The following FBXL17 variants were observed in gnomAD, a reference collection of about 807,000 sequenced individuals.
FBXL17 encodes F-box and leucine rich repeat protein 17.
FBXL17 carries 22 observed loss-of-function variants against 66.2 expected under a neutral mutation model. That is an observed-to-expected ratio of 0.33 (90% confidence interval 0.24 to 0.47). The LOEUF (loss-of-function observed/expected upper bound fraction) is 0.47, where lower values mean the gene tolerates loss of function less well. Among genes scored for constraint, FBXL17 ranks in the 20% least tolerant of loss-of-function variants. FBXL17 has a pLI of 1.00. For synonymous variants in FBXL17, 474 were observed against 400.5 expected, an observed-to-expected ratio of 1.18 and a Z score of -2.19; for missense variants, 878 against 948.2, an observed-to-expected ratio of 0.93 and a Z score of 0.97.
chr5:108,069,088 C>A (rs899469669), intron 6 of FBXL17, among the ~76,000 whole-genome samples: 1 of 152,186 alleles, frequency 6.6e-6, no homozygotes, highest in Non-Finnish European at 1.5e-5. Context: ...CACAAACATA[C>A]ACACACCCCT....
At position 107,859,619 on chromosome 5, in the gene FBXL17, T is replaced by A. The variant is rs1462491735; in HGVS notation, c.*2101A>T. 1 of 145,104 alleles carries A rather than the reference T, an allele frequency of 6.9e-6. No individual in the cohort carries two copies. The highest frequency in any genetic ancestry group is 2.5e-5 in the African/African-American group (1 of 39,386). 9.0% of individuals were successfully genotyped at this position (145,104 alleles called of 1,614,324 possible). ...CTTTAGATTCAAACAATGCAACATTTAAAAAAATCAATTATACATTCTGAA... is the reference window on the plus strand; with the variant it reads ...CTTTAGATTCAAACAATGCAACATTAAAAAAAATCAATTATACATTCTGAA... On this transcript the variant is annotated 3_prime_UTR_variant, in exon 9 of 9. Coordinates refer to ENST00000542267, the MANE Select transcript of FBXL17 (RefSeq NM_001163315.3).
rs150449798 is a variant in FBXL17, at chr5:108,156,196, T to C, written c.1745+29921A>G. 3.0e-3 allele frequency among the ~76,000 whole-genome samples: 463 copies of C among 152,258 alleles called. 5 individuals carry two copies. The highest frequency in any genetic ancestry group is 0.011 in the African/African-American group (441 of 41,580). On this transcript the variant is annotated intron_variant, in intron 6 of 8. Coordinates refer to ENST00000542267, the MANE Select transcript of FBXL17 (RefSeq NM_001163315.3). Reference sequence around the variant, plus strand: ...TAGGCATCAGATCATACTTTAGTTATTGGTTCATACATATGATAAGAGATC... The same window carrying C: ...TAGGCATCAGATCATACTTTAGTTACTGGTTCATACATATGATAAGAGATC...
At chr5:107,975,994 G>C (rs1244427512) in intron 7 of FBXL17, among the ~76,000 whole-genome samples, 1 of 151,888 alleles carries the variant, frequency 6.6e-6, no homozygotes, top group African/African-American at 2.4e-5. Context: ...GAGTAGCTGG[G>C]ACTACAGGCA....
At chr5:108,114,052 TAC>T (rs772687253) in intron 6 of FBXL17, among the ~76,000 whole-genome samples, 1 of 152,214 alleles carries the variant, frequency 6.6e-6, no homozygotes, top group African/African-American at 2.4e-5. Context: ...CTTTCAGTTA[TAC>T]AAAAAGACTT....
intron 6 of FBXL17, among the ~76,000 whole-genome samples, chr5:108,147,663 T>G (rs1319137614): frequency 6.6e-6 from 1 of 152,174 alleles, no homozygotes; most frequent in Non-Finnish European, 1.5e-5. Context: ...TGGCTAAGAA[T>G]GTTGACAAAT....
At chr5:107,955,776 C>T (rs1285994314) in intron 7 of FBXL17, among the ~76,000 whole-genome samples, 1 of 152,136 alleles carries the variant, frequency 6.6e-6, no homozygotes, top group Non-Finnish European at 1.5e-5. Flanking sequence ...TATCTGGTTT[C>T]AGAATAGCCC....
intron 6 of FBXL17, among the ~76,000 whole-genome samples, chr5:108,042,614 T>C (rs1747094342): frequency 6.6e-6 from 1 of 152,210 alleles, no homozygotes; most frequent in Admixed American, 6.5e-5. Context: ...TTTTATTCAG[T>C]AGTATTCCAT....
intron 4 of FBXL17, among the ~76,000 whole-genome samples, chr5:108,232,211 T>C (rs10059240): frequency 0.063 from 9,610 of 152,314 alleles, 406 homozygotes; most frequent in Middle Eastern, 0.12. Flanking sequence ...ATAAGATTTA[T>C]TGACTTTACA....
At chr5:108,241,992 C>T (rs1351412302) in intron 4 of FBXL17, among the ~76,000 whole-genome samples, 1 of 152,126 alleles carries the variant, frequency 6.6e-6, no homozygotes, top group Non-Finnish European at 1.5e-5. Flanking sequence ...TTCATCAACA[C>T]TAGATCTGTC....
intron 4 of FBXL17, among the ~76,000 whole-genome samples, chr5:108,314,218 C>T (rs567876802): frequency 6.6e-6 from 1 of 151,688 alleles, no homozygotes; most frequent in African/African-American, 2.4e-5. Context: ...TCACATTCTT[C>T]TGAATATATT....
At chr5:108,222,637 G>A (rs957019421) in intron 5 of FBXL17, among the ~76,000 whole-genome samples, 5 of 146,848 alleles carry the variant, frequency 3.4e-5, no homozygotes, top group Admixed American at 1.4e-4. Flanking sequence ...ATCAAACTTC[G>A]TACTAATTTT....
chr5:108,331,200 A>G (rs1231324360), intron 4 of FBXL17, among the ~76,000 whole-genome samples: 1 of 152,236 alleles, frequency 6.6e-6, no homozygotes, highest in East Asian at 1.9e-4. Flanking sequence ...CAATATCAAG[A>G]AATCATTAAC....
chr5:108,079,403 G>T (rs533718498), intron 6 of FBXL17, among the ~76,000 whole-genome samples: 2 of 151,968 alleles, frequency 1.3e-5, no homozygotes, highest in African/African-American at 2.4e-5. Context: ...GAAATAGGAC[G>T]TCTGAAGATA....
rs374793482 is a variant in FBXL17, at chr5:108,188,837, A to G, written c.1615-2590T>C. On this transcript the variant is annotated intron_variant, in intron 5 of 8. Coordinates refer to ENST00000542267, the MANE Select transcript of FBXL17 (RefSeq NM_001163315.3). ...TTTCCTATATCTTACCTCTCATTGT[A>G]GCTTTTTTTTTAAGTATCTAAAGGT... Among the ~76,000 whole-genome samples the G allele has an allele frequency of 4.6e-4, 70 of 152,300 alleles. 2 individuals are homozygous for G. In the Middle Eastern group the frequency reaches 0.014, roughly 30 times the overall value.
intron 4 of FBXL17, among the ~76,000 whole-genome samples, chr5:108,333,869 A>G (rs1394203173): frequency 6.6e-6 from 1 of 152,196 alleles, no homozygotes; most frequent in Admixed American, 6.5e-5. Context: ...AAATTTATTC[A>G]AAATTACTTA....
chr5:107,995,309 A>C (rs1490764991), intron 7 of FBXL17, among the ~76,000 whole-genome samples: 1 of 152,232 alleles, frequency 6.6e-6, no homozygotes, highest in African/African-American at 2.4e-5. Flanking sequence ...ACTATTTCCT[A>C]TTTAACCTGA....
intron 6 of FBXL17, among the ~76,000 whole-genome samples, chr5:108,159,395 C>T (rs1187988858): frequency 6.6e-6 from 1 of 152,176 alleles, no homozygotes; most frequent in Non-Finnish European, 1.5e-5. Flanking sequence ...CCTGAAAACT[C>T]ATATTTTGAA....
chr5:108,340,087 T>C (rs924532326), intron 4 of FBXL17, among the ~76,000 whole-genome samples: 19 of 148,238 alleles, frequency 1.3e-4, no homozygotes, highest in African/African-American at 4.0e-4. Flanking sequence ...CTTCAAATGA[T>C]AGAATATAAT....
intron 4 of FBXL17, among the ~76,000 whole-genome samples, chr5:108,264,214 CAA>C (rs35346820): frequency 9.0e-5 from 5 of 55,504 alleles, no homozygotes; most frequent in East Asian, 6.6e-4. Flanking sequence ...GACTCTTTCT[CAA>C]AAAAAAAAAA....
Sources: gnomAD v4.1 joint callset for allele counts (sites outside exome capture counted in the v4.1 genomes callset) on GRCh38, gnomAD v4.1.1 for gene constraint, MANE v1.5 for transcripts, NCBI Gene and HGNC (gene_info 2026-07-23, HGNC 2026-07-21) for gene names.